The following SLC44A1 variants were observed in gnomAD, a reference collection of about 807,000 sequenced individuals.
The protein encoded by SLC44A1 is choline transporter-like protein 1.
SLC44A1 carries 26 observed loss-of-function variants against 79.3 expected under a neutral mutation model. That is an observed-to-expected ratio of 0.33 (90% CI 0.24 to 0.46). SLC44A1 has a LOEUF of 0.46. Among genes scored for constraint, SLC44A1 ranks in the 20% least tolerant of loss-of-function variants. The probability of loss-of-function intolerance (pLI) is 1.00; values close to 1 mark genes in which losing one functional copy is unlikely to be tolerated. For missense variants in SLC44A1, 688 were observed against 798.1 expected (o/e 0.86, Z 1.66); for synonymous variants, 263 against 286.2 (o/e 0.92, Z 0.82).
At chr9:105,364,010 A>G (rs565352444) in intron 9 of SLC44A1, among the ~76,000 whole-genome samples, 2 of 152,334 alleles carry the variant, frequency 1.3e-5, no homozygotes, top group East Asian at 3.9e-4. Flanking sequence ...ATCTGACCCT[A>G]GCTAGAGCTC....
chr9:105,415,508 A>G (rs531792348), intron 15 of SLC44A1, among the ~76,000 whole-genome samples: 1 of 152,358 alleles, frequency 6.6e-6, no homozygotes, highest in Admixed American at 6.5e-5. Context: ...GGGAGGCAGG[A>G]GTTCCAGCTG....
intron 1 of SLC44A1, among the ~76,000 whole-genome samples, chr9:105,283,057 T>C (rs986068339): frequency 5.9e-5 from 9 of 152,178 alleles, no homozygotes; most frequent in Non-Finnish European, 1.3e-4. Flanking sequence ...ATTTTAAACC[T>C]TGGGCCACAG....
intron 5 of SLC44A1, among the ~76,000 whole-genome samples, chr9:105,355,530 G>C (rs1827595161): frequency 6.6e-6 from 1 of 152,116 alleles, no homozygotes; most frequent in Non-Finnish European, 1.5e-5. Flanking sequence ...CTTTTATGCA[G>C]AGATATCACA....
intron 15 of SLC44A1, among the ~76,000 whole-genome samples, chr9:105,426,050 T>TG (rs1205793679): frequency 2.6e-5 from 4 of 152,212 alleles, no homozygotes; most frequent in Non-Finnish European, 5.9e-5. Flanking sequence ...GAGAATGGGT[T>TG]GGGGCTCTGA....
chr9:105,372,236 T>C (rs1828124983), intron 12 of SLC44A1, among the ~76,000 whole-genome samples: 1 of 152,146 alleles, frequency 6.6e-6, no homozygotes, highest in African/African-American at 2.4e-5. Context: ...ATAACAAACT[T>C]CCCCAATTTG....
intron 15 of SLC44A1, among the ~76,000 whole-genome samples, chr9:105,436,594 A>C (rs1829466864): frequency 6.6e-6 from 1 of 152,166 alleles, no homozygotes; most frequent in South Asian, 2.1e-4. Context: ...TAAATAAATA[A>C]ATAAAATGAA....
intron 4 of SLC44A1, 80 bp from the exon 5 acceptor site, chr9:105,348,278 G>T: frequency 1.3e-6 from 1 of 751,204 alleles, no homozygotes; most frequent in South Asian, 1.7e-5. Flanking sequence ...TGCATATGTT[G>T]AATAATACAA....
chr9:105,425,885 T>C (rs1005545062), intron 15 of SLC44A1, among the ~76,000 whole-genome samples: 31 of 152,284 alleles, frequency 2.0e-4, no homozygotes, highest in Admixed American at 1.4e-3. Context: ...AAATTCTTAC[T>C]GGAAAGATGG....
rs1449708690 is a variant in SLC44A1 at position 105,383,164 on chromosome 9, G to A, written c.1674G>A (p.Leu558=). 1 of 1,614,130 alleles carries A rather than the reference G, an allele frequency of 6.2e-7. No individual in the cohort carries two copies. Among genetic ancestry groups the A allele is most frequent in the Admixed American group, 1.7e-5 (1 of 60,022 alleles). ...GCACAGGTTTAGCTGGGATTATGCT[G>A]CTCAACTACCAGCAGGACTACACAG... ...VCSTGLAGIM[L]LNYQQDYTVW... Residue 558 remains leucine, a synonymous_variant, in exon 14 of 16, where the codon CTG becomes CTA. Coordinates refer to ENST00000374720, the MANE Select transcript of SLC44A1 (RefSeq NM_080546.5).
At chr9:105,264,311 G>A (rs1344317204) in intron 1 of SLC44A1, among the ~76,000 whole-genome samples, 3 of 152,072 alleles carry the variant, frequency 2.0e-5, no homozygotes, top group African/African-American at 7.2e-5. Flanking sequence ...CCACAGATTT[G>A]CACCACCACG....
intron 15 of SLC44A1, among the ~76,000 whole-genome samples, chr9:105,402,930 G>A (rs1014217561): frequency 1.4e-5 from 2 of 143,730 alleles, no homozygotes; most frequent in Non-Finnish European, 3.0e-5. Flanking sequence ...TCCCACCTCA[G>A]CCTCTAGAAT....
rs1338683052 is a variant in SLC44A1, at chr9:105,405,925, C to T, written c.1950+20423C>T. ...GAATAACAGCTTTCAAAAGCTCCTG[C>T]ATATACTAGGAAATGTCCAAGGCCA... On this transcript the variant is annotated intron_variant, in intron 15 of 15. Coordinates refer to the SLC44A1 transcript ENST00000374724. Among the ~76,000 whole-genome samples, 4 of 152,140 alleles carry T rather than the reference C, an allele frequency of 2.6e-5. No individual in the cohort carries two copies. The East Asian group carries it at 5.8e-4, about 22-fold the overall frequency.
chr9:105,272,715 C>T (rs62575073), intron 1 of SLC44A1, among the ~76,000 whole-genome samples: 107 of 152,088 alleles, frequency 7.0e-4, no homozygotes, highest in Non-Finnish European at 1.2e-3. Flanking sequence ...TTTTAGGTAT[C>T]CCAAATTCCA....
chr9:105,438,409 A>C (rs1326756127), exon 16 of SLC44A1: 2 of 826,804 alleles, frequency 2.4e-6, no homozygotes, highest in East Asian at 5.4e-5. Context: ...TATTACTTCA[A>C]TGAAAGCATG....
At chr9:105,385,582 C>T in intron 15 of SLC44A1, 80 bp downstream of exon 15, 1 of 1,536,806 alleles carries the variant, frequency 6.5e-7, no homozygotes, top group Admixed American at 2.1e-5. Context: ...ACTGACTGCA[C>T]TTCTTCAGGA....
intron 5 of SLC44A1, among the ~76,000 whole-genome samples, chr9:105,354,981 C>T (rs1168553380): frequency 6.6e-6 from 1 of 152,184 alleles, no homozygotes; most frequent in Non-Finnish European, 1.5e-5. Context: ...GACTGAGGAA[C>T]ACATTTGTAT....
exon 16 of SLC44A1, chr9:105,438,421 AAC>A (rs1406544585): frequency 5.2e-6 from 4 of 774,258 alleles, no homozygotes; most frequent in Admixed American, 2.6e-5. Context: ...GAAAGCATGT[AAC>A]AAGTTTCTCA....
intron 15 of SLC44A1, among the ~76,000 whole-genome samples, chr9:105,422,281 CTT>C (rs554922812): frequency 4.3e-4 from 41 of 95,922 alleles, no homozygotes; most frequent in African/African-American, 1.8e-3. Flanking sequence ...CTGCTCCATC[CTT>C]TTTTTTTTTT....
chr9:105,269,331 T>TAA (rs1292244399), intron 1 of SLC44A1, among the ~76,000 whole-genome samples: 1 of 152,216 alleles, frequency 6.6e-6, no homozygotes, highest in East Asian at 1.9e-4. Flanking sequence ...ACACTCTTTT[T>TAA]AACTGGTCAC....
Sources: gnomAD v4.1 joint callset for allele counts (sites outside exome capture counted in the v4.1 genomes callset) on GRCh38, gnomAD v4.1.1 for gene constraint, MANE v1.5 for transcripts, NCBI Gene and HGNC (gene_info 2026-07-23, HGNC 2026-07-21) for gene names.